ANTXR1: variants seen among roughly 807,000 people sequenced by gnomAD.
ANTXR1 encodes the protein anthrax toxin receptor 1.
In ANTXR1, 19 loss-of-function variants were observed where a neutral mutation model predicts 78.1. The ratio of observed to expected loss-of-function variants is 0.24; its 90% confidence interval spans 0.17 to 0.36. ANTXR1 has a LOEUF of 0.36. ANTXR1 is among the 10% of genes least tolerant of loss of function. ANTXR1 has a pLI of 1.00. For missense variants in ANTXR1, 518 were observed against 718.6 expected (o/e 0.72, Z 3.19); for synonymous variants, 273 against 260.5 (o/e 1.05, Z -0.46).
At chr2:69,224,586 C>T (rs1057498732) in intron 17 of ANTXR1, among the ~76,000 whole-genome samples, 1 of 152,050 alleles carries the variant, frequency 6.6e-6, no homozygotes, top group Non-Finnish European at 1.5e-5. Flanking sequence ...AGGGAGAGAG[C>T]CTGCAGGGCC....
At chr2:69,242,401 A>G (rs1348592359) in intron 17 of ANTXR1, among the ~76,000 whole-genome samples, 1 of 152,212 alleles carries the variant, frequency 6.6e-6, no homozygotes, top group Non-Finnish European at 1.5e-5. Flanking sequence ...TGGATTATGA[A>G]CAGAGATATT....
intron 17 of ANTXR1, 27 bp downstream of exon 17, chr2:69,193,442 G>GTCTCTCTCTC: frequency 2.4e-6 from 3 of 1,227,898 alleles, no homozygotes; most frequent in African/African-American, 3.5e-5. Context: ...CATTAATGGT[G>GTCTCTCTCTC]TCTCTCTCTC....
intron 5 of ANTXR1, among the ~76,000 whole-genome samples, chr2:69,072,630 A>C (rs1439673256): frequency 6.6e-6 from 1 of 152,218 alleles, no homozygotes; most frequent in Non-Finnish European, 1.5e-5. Context: ...TATGTGGTCC[A>C]TTACAGCAGG....
intron 5 of ANTXR1, among the ~76,000 whole-genome samples, chr2:69,072,474 T>C (rs1253587608): frequency 1.3e-5 from 2 of 152,212 alleles, no homozygotes; most frequent in African/African-American, 2.4e-5. Flanking sequence ...ATCTTGCTAA[T>C]GTAAATCAAC....
At chr2:69,108,856 G>C (rs2104337694) in intron 10 of ANTXR1, among the ~76,000 whole-genome samples, 1 of 152,234 alleles carries the variant, frequency 6.6e-6, no homozygotes, top group Non-Finnish European at 1.5e-5. Context: ...TCTTTATCCA[G>C]TCTATCACTG....
chr2:69,238,780 G>A (rs553606363), intron 17 of ANTXR1, among the ~76,000 whole-genome samples: 20 of 152,262 alleles, frequency 1.3e-4, no homozygotes, highest in South Asian at 1.2e-3. Flanking sequence ...ATACTTTTAC[G>A]ATCTAATTAT....
At chr2:69,153,776 T>C (rs920508617) in intron 13 of ANTXR1, among the ~76,000 whole-genome samples, 30 of 152,172 alleles carry the variant, frequency 2.0e-4, no homozygotes, top group Non-Finnish European at 3.7e-4. Context: ...GTGAACACTA[T>C]TATAGTTCCT....
chr2:69,128,043 G>A (rs1330151991), intron 12 of ANTXR1, among the ~76,000 whole-genome samples: 3 of 152,044 alleles, frequency 2.0e-5, no homozygotes, highest in Non-Finnish European at 4.4e-5. Context: ...TGCCCAACAT[G>A]ACAAAACTCT....
At chr2:69,144,569 G>T (rs1362330085) in intron 12 of ANTXR1, among the ~76,000 whole-genome samples, 1 of 152,220 alleles carries the variant, frequency 6.6e-6, no homozygotes, top group African/African-American at 2.4e-5. Flanking sequence ...CCGTGGAGGG[G>T]AGAATCCAGA....
chr2:69,086,074 A>C (rs966073926), intron 8 of ANTXR1, among the ~76,000 whole-genome samples: 1 of 152,236 alleles, frequency 6.6e-6, no homozygotes, highest in Non-Finnish European at 1.5e-5. Context: ...CTATACCATC[A>C]AGGGATAAAA....
rs1237277597 is a variant in ANTXR1, at chr2:69,130,157, G to A, written c.951+5514G>A. ...TCTTGAACACCCAAGATGTGGCAGT[G>A]CGGCCCAGTTGATGCTCATCCCTGT... On this transcript the variant is annotated intron_variant, in intron 12 of 17. Coordinates refer to ENST00000303714, the MANE Select transcript of ANTXR1 (RefSeq NM_032208.3). Among the ~76,000 whole-genome samples the A allele has an allele frequency of 2.0e-5, 3 of 152,202 alleles. No individual in the cohort carries two copies. In the East Asian group the frequency reaches 5.8e-4, roughly 29 times the overall value.
At chr2:69,234,018 T>C (rs1352322932) in intron 17 of ANTXR1, among the ~76,000 whole-genome samples, 1 of 152,122 alleles carries the variant, frequency 6.6e-6, no homozygotes, top group Non-Finnish European at 1.5e-5. Context: ...AATGTGCTAT[T>C]GATGGATGAG....
In ANTXR1 at chr2:69,249,257, T is replaced by G. The variant is rs1676087874; in HGVS notation, c.*3772T>G. On this transcript the variant is annotated 3_prime_UTR_variant, in exon 18 of 18. Transcript: ENST00000303714. ...ATCATAATACCATGCTATAGGAGAC[T>G]GGGCAAAACCTGTACAATGACAACC... The G allele has an allele frequency of 6.6e-6, 1 of 152,208 alleles. No individual in the cohort carries two copies. 9.4% of individuals were successfully genotyped at this position (152,208 alleles called of 1,614,324 possible). A position where few individuals can be genotyped will look rare whatever the true frequency, so the allele number is the denominator to read the frequency against.
intron 10 of ANTXR1, among the ~76,000 whole-genome samples, chr2:69,112,817 G>A (rs868221067): frequency 1.6e-4 from 25 of 152,282 alleles, no homozygotes; most frequent in African/African-American, 6.0e-4. Context: ...TTTTGAAGTG[G>A]CTCCTGCAGA....
intron 12 of ANTXR1, among the ~76,000 whole-genome samples, chr2:69,150,843 A>T (rs1363522616): frequency 4.6e-5 from 7 of 151,602 alleles, no homozygotes; most frequent in Non-Finnish European, 8.8e-5. Flanking sequence ...ACAAAGTGAG[A>T]CTCCATCTCT....
At chr2:69,101,280 A>G (rs1671608652) in intron 9 of ANTXR1, among the ~76,000 whole-genome samples, 2 of 152,192 alleles carry the variant, frequency 1.3e-5, no homozygotes, top group African/African-American at 2.4e-5. Context: ...TTCAACTCCT[A>G]AATGACTCAT....
intron 9 of ANTXR1, among the ~76,000 whole-genome samples, chr2:69,099,622 C>T (rs750754952): frequency 3.2e-4 from 48 of 152,336 alleles, no homozygotes; most frequent in Admixed American, 6.5e-4. Context: ...TCTTTCTCTT[C>T]AGCAATCATA....
intron 17 of ANTXR1, among the ~76,000 whole-genome samples, chr2:69,223,354 C>T (rs1675367553): frequency 6.6e-6 from 1 of 152,244 alleles, no homozygotes; most frequent in Non-Finnish European, 1.5e-5. Context: ...AAGTCCCCTG[C>T]AGTCTTCCTC....
chr2:69,147,154 C>A (rs1484516509), intron 12 of ANTXR1, among the ~76,000 whole-genome samples: 4 of 152,232 alleles, frequency 2.6e-5, no homozygotes, highest in African/African-American at 9.6e-5. Flanking sequence ...GTGAGCCCTG[C>A]TGCATTCTAC....
Sources: allele counts gnomAD v4.1 joint callset (sites outside exome capture counted in the v4.1 genomes callset), GRCh38; gene constraint gnomAD v4.1.1; transcripts MANE v1.5; gene names NCBI Gene and HGNC (gene_info 2026-07-23, HGNC 2026-07-21).